JPH2: variants seen among roughly 807,000 people sequenced by gnomAD.
The protein encoded by JPH2 is junctophilin-2.
A neutral mutation model predicts 55.9 loss-of-function variants in JPH2; 38 were observed. The ratio of observed to expected loss-of-function variants is 0.68; its 90% CI spans 0.52 to 0.89. The LOEUF (loss-of-function observed/expected upper bound fraction) is 0.89. Among genes scored for constraint, JPH2 ranks in the 40% least tolerant of loss-of-function variants. The pLI is 0.00. For synonymous variants in JPH2, 480 were observed against 472.4 expected (o/e 1.02, Z -0.21); for missense variants, 964 against 1,037.6 (o/e 0.93, Z 0.97).
At chr20:44,140,414 C>A (rs531802215) in intron 2 of JPH2, among the ~76,000 whole-genome samples, 2 of 152,264 alleles carry the variant, frequency 1.3e-5, no homozygotes, top group South Asian at 2.1e-4. Flanking sequence ...CCCCTTGGGC[C>A]AGGCTTCTGG....
chr20:44,114,245 G>C (rs903171785), intron 5 of JPH2, among the ~76,000 whole-genome samples: 4 of 152,228 alleles, frequency 2.6e-5, no homozygotes, highest in Admixed American at 2.6e-4. Flanking sequence ...AACAGGAGCA[G>C]GCTGGGTGTG....
At chr20:44,181,367 A>G (rs1436052447) in intron 1 of JPH2, among the ~76,000 whole-genome samples, 3 of 152,354 alleles carry the variant, frequency 2.0e-5, no homozygotes, top group East Asian at 3.9e-4. Context: ...GTGTGCATAT[A>G]TATGTGTATC....
rs1482275475 is a variant in JPH2, at chr20:44,108,685, T to C, written c.*4833A>G. On this transcript the variant is annotated 3_prime_UTR_variant, in exon 6 of 6. Transcript: ENST00000372980. ...AAGAAGTGACTGTAATGTAGGCACC[T>C]GGTCAAGACAGCCTGGAGTGAATGG... 6.6e-6 allele frequency among the ~76,000 whole-genome samples: 1 copy of C among 151,192 alleles called. No homozygotes were observed. The highest frequency in any genetic ancestry group is 1.5e-5 in the Non-Finnish European group (1 of 67,908).
At chr20:44,166,912 T>G (rs1161991529) in intron 1 of JPH2, among the ~76,000 whole-genome samples, 1 of 151,978 alleles carries the variant, frequency 6.6e-6, no homozygotes, top group African/African-American at 2.4e-5. Context: ...ACGGGGGAGA[T>G]CCCCAACAGC....
chr20:44,116,368 C>G lies in JPH2; in HGVS notation c.1307G>C (p.Arg436Pro). ...FYQPGPEYQK[R>P]RLLQEILENS... is the part of the protein sequence containing the mutation. ...CTCCAGGATCTCCTGCAGCAGCCGG[C>G]GCTTCTGATATTCCGGACCTGCCAG... The change falls in exon 4 of 6, where the codon CGC (arginine) becomes CCC (proline). Residue 436 changes from arginine to proline, a missense_variant. By Grantham distance (103) the Arg-to-Pro change is moderately radical (BLOSUM62 -2). Transcript: ENST00000372980. 6.5e-7 allele frequency: 1 copy of G among 1,547,910 alleles called. No individual in the cohort carries two copies. The highest frequency in any genetic ancestry group is 2.4e-5 in the East Asian group (1 of 40,876).
rs1222004489 is a variant in JPH2, at chr20:44,160,566, G to A, written c.380-159C>T. On this transcript the variant is annotated intron_variant, in intron 1 of 5. Transcript: ENST00000372980. This position sits in a 1 kb window ranked among gnomAD's most constrained non-coding sequence, Gnocchi z 4.9. The stretch of plus-strand genomic sequence containing the variant: ...GGTGCACAGTGCTATGAGTGTTTGA[G>A]TCTACTCGAGTGTGCAATAACACGA... Among the ~76,000 whole-genome samples the A allele has an allele frequency of 6.6e-6, 1 of 152,240 alleles. No homozygotes were observed. The highest frequency in any genetic ancestry group is 1.5e-5 in the Non-Finnish European group (1 of 68,044).
chr20:44,160,267 T>A lies in JPH2; in HGVS notation c.520A>T (p.Thr174Ser). The A allele has an allele frequency of 6.5e-7, 1 of 1,532,214 alleles. No homozygotes were observed. Among genetic ancestry groups the A allele is most frequent in the Non-Finnish European group, 8.8e-7 (1 of 1,142,736 alleles). 94.9% of individuals were successfully genotyped at this position (1,532,214 alleles called of 1,614,324 possible). A position where few individuals can be genotyped will look rare whatever the true frequency, so the allele number is the denominator to read the frequency against. The change falls in exon 2 of 6, where the codon ACG becomes TCG. Residue 174 changes from threonine (T) to serine (S), a missense_variant. Physicochemically the swap from Thr to Ser is moderately conservative, Grantham distance 58. Coordinates refer to ENST00000372980, the MANE Select transcript of JPH2 (RefSeq NM_020433.5). The surrounding 1 kb of genome is among the most constrained non-coding windows in gnomAD (Gnocchi z 4.9). ...SSLRSEHSNGTVAPDSPASPA... is the reference protein window; with the variant it reads ...SSLRSEHSNGSVAPDSPASPA... ...GAGGCGGGAGAGTCCGGGGCCACCG[T>A]GCCGTTGCTGTGCTCGCTGCGCAGG...
intron 1 of JPH2, among the ~76,000 whole-genome samples, chr20:44,167,428 C>A (rs6130549): frequency 0.35 from 53,548 of 151,932 alleles, 9,966 homozygotes; most frequent in Admixed American, 0.51. Flanking sequence ...AGGCAGGAAA[C>A]CCATCTTTTT....
At chr20:44,129,406 T>C (rs1483535801) in intron 2 of JPH2, among the ~76,000 whole-genome samples, 1 of 151,724 alleles carries the variant, frequency 6.6e-6, no homozygotes. Context: ...AATACAAAAA[T>C]TTGCTGGGCG....
chr20:44,149,949 C>G (rs2072519482), intron 2 of JPH2, among the ~76,000 whole-genome samples: 1 of 132,954 alleles, frequency 7.5e-6, no homozygotes, highest in South Asian at 2.4e-4. Flanking sequence ...TGCACTCCAG[C>G]CTGGGCGACA....
At chr20:44,148,999 G>A (rs1398442077) in intron 2 of JPH2, among the ~76,000 whole-genome samples, 1 of 151,684 alleles carries the variant, frequency 6.6e-6, no homozygotes. Context: ...CCTGGTAGGC[G>A]GAGCTTGCAG....
chr20:44,186,795 G>T lies in JPH2; in HGVS notation c.-90C>A. Reference sequence around the variant, plus strand: ...TGCAACACTCCTCCAGTGCCCTCGGGGGCAGGCCCCCAGACTCACCACTGC... The same window carrying T: ...TGCAACACTCCTCCAGTGCCCTCGGTGGCAGGCCCCCAGACTCACCACTGC... On this transcript the variant is annotated 5_prime_UTR_variant, in exon 1 of 6. Transcript: ENST00000372980. 1 of 1,353,092 alleles carries T rather than the reference G, an allele frequency of 7.4e-7. No homozygotes were observed. The highest frequency in any genetic ancestry group is 1.0e-6 in the Non-Finnish European group (1 of 959,608). The allele number at this position is 1,353,092 out of a possible 1,614,324, so 83.8% of individuals were successfully genotyped here. A position where few individuals can be genotyped will look rare whatever the true frequency, so the allele number is the denominator to read the frequency against.
rs144452293 is a variant in JPH2, at chr20:44,106,779, C to T, written c.*6739G>A. Among the ~76,000 whole-genome samples the T allele has an allele frequency of 1.0e-3, 152 of 152,182 alleles. No homozygotes were observed. The highest frequency in any genetic ancestry group is 3.5e-3 in the African/African-American group (146 of 41,502). ...TGAGACTTATTCACTACCACGAGAA[C>T]GGCACGGGAAAGGCTTGCCCCCATG... On this transcript the variant is annotated 3_prime_UTR_variant, in exon 6 of 6. Coordinates refer to ENST00000372980, the MANE Select transcript of JPH2 (RefSeq NM_020433.5).
chr20:44,158,863 T>G (rs113215891), intron 2 of JPH2, among the ~76,000 whole-genome samples: 2,358 of 152,088 alleles, frequency 0.016, 46 homozygotes, highest in African/African-American at 0.044. Flanking sequence ...AATGGATGCG[T>G]GGCTGGATGT....
At chr20:44,175,577 G>A (rs2145893182) in intron 1 of JPH2, among the ~76,000 whole-genome samples, 1 of 152,314 alleles carries the variant, frequency 6.6e-6, no homozygotes, top group Non-Finnish European at 1.5e-5. Flanking sequence ...CGGAGGAGCT[G>A]GCGGCATTTG....
intron 2 of JPH2, among the ~76,000 whole-genome samples, chr20:44,148,655 A>G (rs999461531): frequency 4.0e-5 from 6 of 151,898 alleles, no homozygotes. Context: ...GGTTCTGGGT[A>G]TTTCCCCTCC....
intron 3 of JPH2, among the ~76,000 whole-genome samples, chr20:44,117,124 CA>C (rs1185665374): frequency 1.3e-5 from 2 of 152,084 alleles, no homozygotes; most frequent in African/African-American, 4.8e-5. Context: ...ACTAAAAATA[CA>C]AAAATTAGCT....
intron 2 of JPH2, among the ~76,000 whole-genome samples, chr20:44,142,854 G>T (rs1007425366): frequency 6.6e-6 from 1 of 152,104 alleles, no homozygotes; most frequent in Non-Finnish European, 1.5e-5. Flanking sequence ...CCATGCTGTG[G>T]GTTCTTCCCA....
chr20:44,177,190 A>G (rs2072741338), intron 1 of JPH2: 2 of 985,462 alleles, frequency 2.0e-6, no homozygotes, highest in Non-Finnish European at 1.2e-6. Context: ...TCGGGAAGGG[A>G]TAGGTGAGAA....
Sources: allele counts gnomAD v4.1 joint callset (sites outside exome capture counted in the v4.1 genomes callset), GRCh38; gene constraint gnomAD v4.1.1; non-coding constraint Gnocchi (gnomAD v3.1); transcripts MANE v1.5; gene names NCBI Gene and HGNC (gene_info 2026-07-23, HGNC 2026-07-21).